Variants in SLC9A2 observed in about 807,000 individuals in gnomAD.
The protein encoded by SLC9A2 is solute carrier family 9 member A2.
Under a neutral mutation model 71.7 loss-of-function variants are expected in SLC9A2, and 42 were observed. The ratio of observed to expected loss-of-function variants is 0.59; its 90% CI spans 0.46 to 0.76. The LOEUF (loss-of-function observed/expected upper bound fraction) is 0.76, where lower values mean the gene tolerates loss of function less well. Ranked by LOEUF, SLC9A2 falls within the 30% of genes least tolerant of loss-of-function variation. The probability of loss-of-function intolerance (pLI) is 0.00; values close to 1 mark genes in which losing one functional copy is unlikely to be tolerated. For synonymous variants in SLC9A2, 396 were observed against 392.5 expected (o/e 1.01, Z -0.10); for missense variants, 829 against 1,017.4 (o/e 0.81, Z 2.52).
chr2:102,691,727 A>G lies in SLC9A2; in HGVS notation c.1426-2687A>G, dbSNP rs1677666963. Among the ~76,000 whole-genome samples, 2 of 152,240 alleles carry G rather than the reference A, an allele frequency of 1.3e-5. 1 individual carries two copies. Among genetic ancestry groups the G allele is most frequent in the South Asian group, 4.1e-4 (2 of 4,834 alleles). On this transcript the variant is annotated intron_variant, in intron 5 of 11. Transcript: ENST00000233969. ...TAAACATAAATATATTATGCTTTCAAAAACTTGAGTTGATGGGGTGGTAGG... is the reference window on the plus strand; with the variant it reads ...TAAACATAAATATATTATGCTTTCAGAAACTTGAGTTGATGGGGTGGTAGG...
intron 3 of SLC9A2, among the ~76,000 whole-genome samples, chr2:102,682,140 C>T (rs6734539): frequency 0.022 from 3,403 of 152,184 alleles, 132 homozygotes; most frequent in African/African-American, 0.076. Context: ...CAGGGTGGCT[C>T]CCTCTAATCC....
intron 3 of SLC9A2, among the ~76,000 whole-genome samples, chr2:102,675,343 T>C (rs1470034724): frequency 6.6e-6 from 1 of 152,178 alleles, no homozygotes; most frequent in Non-Finnish European, 1.5e-5. Context: ...GCCAGACCTG[T>C]TGTGTGCTAT....
At chr2:102,682,477 T>C (rs896247331) in intron 3 of SLC9A2, among the ~76,000 whole-genome samples, 1 of 151,998 alleles carries the variant, frequency 6.6e-6, no homozygotes, top group African/African-American at 2.4e-5. Context: ...GCTTCAGGAG[T>C]GTGGACTTGA....
chr2:102,627,995 C>T (rs1573395730), intron 1 of SLC9A2, among the ~76,000 whole-genome samples: 1 of 152,106 alleles, frequency 6.6e-6, no homozygotes, highest in Non-Finnish European at 1.5e-5. Context: ...AAAATTACTT[C>T]AGTAGCTTAC....
Position 102,690,193 on chromosome 2 carries a change from C to T in SLC9A2, c.1426-4221C>T, listed in dbSNP as rs142437648. 4.1e-3 allele frequency among the ~76,000 whole-genome samples: 625 copies of T among 152,092 alleles called. 4 individuals are homozygous for T. Among genetic ancestry groups the T allele is most frequent in the African/African-American group, 0.015 (605 of 41,448 alleles). The stretch of plus-strand genomic sequence containing the variant: ...CGGAAAGGGTGAACACTAAAGGAGG[C>T]GAAACATCAGAAGGGGTTACACAGG... On this transcript the variant is annotated intron_variant, in intron 5 of 11. Transcript: ENST00000233969.
chr2:102,643,664 A>C (rs1676654782), intron 1 of SLC9A2, among the ~76,000 whole-genome samples: 1 of 152,234 alleles, frequency 6.6e-6, no homozygotes. Flanking sequence ...TATAGTATCC[A>C]GGCTCTTTAG....
intron 2 of SLC9A2, among the ~76,000 whole-genome samples, chr2:102,663,629 C>T (rs1677084133): frequency 6.6e-6 from 1 of 152,154 alleles, no homozygotes; most frequent in Non-Finnish European, 1.5e-5. Context: ...GCTAATATTG[C>T]CTCTGACATT....
intron 7 of SLC9A2, 81 bp from the exon 8 acceptor site, chr2:102,700,988 AG>A: frequency 1.0e-6 from 1 of 974,328 alleles, no homozygotes; most frequent in Non-Finnish European, 1.5e-6. Context: ...TGGGAATGGC[AG>A]AAATGACTTC....
intron 1 of SLC9A2, among the ~76,000 whole-genome samples, chr2:102,627,825 TA>T (rs1676277849): frequency 6.6e-6 from 1 of 152,178 alleles, no homozygotes; most frequent in Admixed American, 6.5e-5. Context: ...GTTCTGTTAA[TA>T]TTGTTAATTC....
chr2:102,640,773 G>A (rs1345183310), intron 1 of SLC9A2, among the ~76,000 whole-genome samples: 1 of 152,190 alleles, frequency 6.6e-6, no homozygotes, highest in Non-Finnish European at 1.5e-5. Flanking sequence ...TTTGGGTGAT[G>A]GAGTTGGAAG....
intron 1 of SLC9A2, among the ~76,000 whole-genome samples, chr2:102,626,208 T>A (rs1241191577): frequency 2.6e-5 from 4 of 152,192 alleles, no homozygotes; most frequent in Non-Finnish European, 5.9e-5. Flanking sequence ...AGCATGGTAC[T>A]GGTACCAAAA....
intron 10 of SLC9A2, 79 bp downstream of exon 10, chr2:102,704,754 A>G: frequency 6.8e-7 from 1 of 1,479,628 alleles, no homozygotes; most frequent in Non-Finnish European, 9.3e-7. Context: ...TGGTATCATC[A>G]GCTCTGCAGA....
intron 1 of SLC9A2, among the ~76,000 whole-genome samples, chr2:102,638,897 A>G (rs1409678540): frequency 6.6e-6 from 1 of 152,232 alleles, no homozygotes; most frequent in Non-Finnish European, 1.5e-5. Flanking sequence ...CATTACTTCA[A>G]ATAAATCCAG....
At chr2:102,657,075 C>T (rs1573411215) in intron 1 of SLC9A2, among the ~76,000 whole-genome samples, 3 of 151,932 alleles carry the variant, frequency 2.0e-5, no homozygotes, top group South Asian at 4.2e-4. Context: ...CATGGTGGTG[C>T]GTGCCTATAA....
intron 1 of SLC9A2, among the ~76,000 whole-genome samples, chr2:102,651,721 C>T (rs944550983): frequency 1.3e-5 from 2 of 152,214 alleles, no homozygotes; most frequent in Non-Finnish European, 2.9e-5. Flanking sequence ...GCCTGCAGCT[C>T]TCCAGTGCAG....
At chr2:102,643,529 G>A (rs1573404094) in intron 1 of SLC9A2, among the ~76,000 whole-genome samples, 1 of 152,136 alleles carries the variant, frequency 6.6e-6, no homozygotes, top group Non-Finnish European at 1.5e-5. Flanking sequence ...TGGGCTGCCG[G>A]CTTCTTCAGC....
chr2:102,684,078 T>C lies in SLC9A2; in HGVS notation c.1223-56T>C, dbSNP rs914270454. ...GAAGCACAGAAAATGAGTCTATGTA[T>C]TTTCATATTTTGGCCTCACCCAGTC... On this transcript the variant is annotated intron_variant, in intron 4 of 11. Coordinates refer to ENST00000233969, the MANE Select transcript of SLC9A2 (RefSeq NM_003048.6). 5.7e-5 allele frequency: 72 copies of C among 1,266,532 alleles called. No individual in the cohort carries two copies. The Admixed American group carries it at 1.1e-3, about 19-fold the overall frequency. 78.5% of individuals were successfully genotyped at this position (1,266,532 alleles called of 1,614,324 possible).
chr2:102,635,703 G>T (rs1319896107), intron 1 of SLC9A2, among the ~76,000 whole-genome samples: 1 of 152,280 alleles, frequency 6.6e-6, no homozygotes, highest in East Asian at 1.9e-4. Context: ...TTTGTAATCT[G>T]CTTTGAACCT....
Position 102,708,629 on chromosome 2 carries a change from G to T in SLC9A2, c.*140G>T. 1.1e-6 allele frequency: 1 copy of T among 948,612 alleles called. No homozygotes were observed. The allele number at this position is 948,612 out of a possible 1,614,324, so 58.8% of individuals were successfully genotyped here. A position where few individuals can be genotyped will look rare whatever the true frequency, so the allele number is the denominator to read the frequency against. On this transcript the variant is annotated 3_prime_UTR_variant, in exon 12 of 12. Transcript: ENST00000233969. The stretch of plus-strand genomic sequence containing the variant: ...CTGGAGGGCGACAGATTCATGCCAC[G>T]GATAAATGAGGCAAATCCGAAGAAA...
Sources: gnomAD v4.1 joint callset for allele counts (sites outside exome capture counted in the v4.1 genomes callset) on GRCh38, gnomAD v4.1.1 for gene constraint, MANE v1.5 for transcripts, NCBI Gene and HGNC (gene_info 2026-07-23, HGNC 2026-07-21) for gene names.